Variants in C2orf66 observed in about 807,000 individuals in gnomAD.
C2orf66 encodes the protein chromosome 2 open reading frame 66.
Under a neutral mutation model 7.0 loss-of-function variants are expected in C2orf66, and 6 were observed. That is an observed-to-expected ratio of 0.86 (90% CI 0.47 to 1.69). The LOEUF is 1.69. Ranked by LOEUF, C2orf66 falls within the 40% of genes most tolerant of loss-of-function variation. The pLI is 0.01. For synonymous variants in C2orf66, 38 were observed against 43.8 expected (o/e 0.87, Z 0.52); for missense variants, 107 against 112.0 (o/e 0.96, Z 0.20).
the C2orf66 span, among the ~76,000 whole-genome samples, chr2:196,821,652 A>G: frequency 6.6e-6 from 1 of 152,188 alleles, no homozygotes; most frequent in African/African-American, 2.4e-5. Flanking sequence ...ATTAAACTAG[A>G]TAAGACCCTT....
intron 1 of C2orf66, among the ~76,000 whole-genome samples, chr2:196,808,659 C>G (rs77960376): frequency 1.3e-5 from 2 of 152,150 alleles, no homozygotes; most frequent in African/African-American, 4.8e-5. Flanking sequence ...TCAAAATAGT[C>G]ATGTCAACAT....
At chr2:196,810,941 A>G (rs1699868442), upstream of C2orf66, among the ~76,000 whole-genome samples, 1 of 152,274 alleles carries the variant, frequency 6.6e-6, no homozygotes, top group African/African-American at 2.4e-5. Flanking sequence ...ATATAAGTGA[A>G]CAATCATTTC....
At chr2:196,819,979 G>T in the C2orf66 span, among the ~76,000 whole-genome samples, 2 of 152,144 alleles carry the variant, frequency 1.3e-5, no homozygotes, top group African/African-American at 4.8e-5. Flanking sequence ...TAGAGACTGG[G>T]GAAACTGTGG....
chr2:196,811,206 C>T (rs1035835444), upstream of C2orf66, among the ~76,000 whole-genome samples: 8 of 152,002 alleles, frequency 5.3e-5, no homozygotes, highest in South Asian at 4.2e-4. Flanking sequence ...AAGATGGGGC[C>T]GGAGAGGTAG....
chr2:196,809,294 G>A lies in C2orf66; in HGVS notation c.43C>T (p.Leu15=), dbSNP rs892949354. Residue 15 remains leucine (L), a synonymous_variant, in exon 1 of 3, where the codon CTG becomes TTG. Coordinates refer to ENST00000342506, the MANE Select transcript of C2orf66 (RefSeq NM_213608.3). ...GTGGCTCCATTCACATGCCCAAGCA[G>A]CACCAGGGCAACACATAGTAGCAGG... is the stretch of plus-strand genomic sequence containing the variant. ...PLLLLCVALV[L]LGHVNGATVR... 3.1e-6 allele frequency: 5 copies of A among 1,613,930 alleles called. No homozygotes were observed. The highest frequency in any genetic ancestry group is 1.3e-5 in the African/African-American group (1 of 74,916).
intron 1 of C2orf66, 60 bp from the exon 2 acceptor site, chr2:196,807,682 GT>G (rs1699833306): frequency 7.3e-7 from 1 of 1,378,866 alleles, no homozygotes; most frequent in South Asian, 1.3e-5. Context: ...AAATAAAGGT[GT>G]TTTTCTTCCC....
the C2orf66 span, among the ~76,000 whole-genome samples, chr2:196,829,143 T>A: frequency 6.6e-6 from 1 of 152,100 alleles, no homozygotes. Context: ...TTCACCCCCT[T>A]TTCCAGAAAA....
At chr2:196,813,759 C>T (rs1191254903), upstream of C2orf66, among the ~76,000 whole-genome samples, 7 of 152,060 alleles carry the variant, frequency 4.6e-5, no homozygotes, top group Admixed American at 2.0e-4. Flanking sequence ...CAAAAAGTGG[C>T]GAAGGATATG....
chr2:196,811,807 A>G (rs1159318909), upstream of C2orf66, among the ~76,000 whole-genome samples: 1 of 152,180 alleles, frequency 6.6e-6, no homozygotes, highest in African/African-American at 2.4e-5. Context: ...AATATGAGGA[A>G]AAAAGGGGGC....
At chr2:196,827,590 A>G in the C2orf66 span, among the ~76,000 whole-genome samples, 3 of 152,196 alleles carry the variant, frequency 2.0e-5, no homozygotes, top group African/African-American at 7.2e-5. Flanking sequence ...GCTGAATCAT[A>G]AAGTTTCTTC....
upstream of C2orf66, among the ~76,000 whole-genome samples, chr2:196,810,871 C>G (rs1011055149): frequency 3.3e-5 from 5 of 152,184 alleles, no homozygotes; most frequent in Admixed American, 1.3e-4. Flanking sequence ...TCCTTGCCCT[C>G]ATTAAAATAG....
At chr2:196,810,340 T>C (rs1281739220), upstream of C2orf66, 2 of 152,242 alleles carry the variant, frequency 1.3e-5, no homozygotes, top group Non-Finnish European at 2.9e-5. Flanking sequence ...GTTAACAGCA[T>C]TTTTTGAACA....
Position 196,805,246 on chromosome 2 carries a change from T to G in C2orf66, c.*182A>C, listed in dbSNP as rs780271716. 8.1e-4 allele frequency: 123 copies of G among 152,274 alleles called. No individual in the cohort carries two copies. Among genetic ancestry groups the G allele is most frequent in the Non-Finnish European group, 1.5e-3 (103 of 68,020 alleles). 9.4% of individuals were successfully genotyped at this position (152,274 alleles called of 1,614,324 possible). A position where few individuals can be genotyped will look rare whatever the true frequency, so the allele number is the denominator to read the frequency against. On this transcript the variant is annotated 3_prime_UTR_variant, in exon 3 of 3. Transcript: ENST00000342506. ...ACTCCATAAATATGCATAGAAATCA[T>G]AGTTCCAGCGATTTATATGTAAATA...
At chr2:196,821,865 TG>T in the C2orf66 span, among the ~76,000 whole-genome samples, 1 of 147,252 alleles carries the variant, frequency 6.8e-6, no homozygotes, top group African/African-American at 2.5e-5. Context: ...GGGACATAAT[TG>T]GGGAAATGAT....
chr2:196,820,125 T>C, the C2orf66 span, among the ~76,000 whole-genome samples: 2 of 152,240 alleles, frequency 1.3e-5, no homozygotes, highest in Non-Finnish European at 2.9e-5. Context: ...ATATTCAATA[T>C]GGTAGTCCTC....
the C2orf66 span, among the ~76,000 whole-genome samples, chr2:196,828,456 A>G: frequency 5.9e-5 from 9 of 152,210 alleles, no homozygotes; most frequent in African/African-American, 1.9e-4. Flanking sequence ...CACGTGTAGC[A>G]TGCGGACTTC....
the C2orf66 span, among the ~76,000 whole-genome samples, chr2:196,817,833 G>T: frequency 7.2e-5 from 11 of 152,150 alleles, no homozygotes; most frequent in African/African-American, 2.7e-4. Context: ...TAGGCTCTCT[G>T]CAAGAAGGAA....
upstream of C2orf66, chr2:196,810,176 A>G (rs762547237): frequency 6.6e-6 from 1 of 152,204 alleles, no homozygotes; most frequent in Non-Finnish European, 1.5e-5. Context: ...GATTTTATAA[A>G]ACACACAAAG....
At chr2:196,823,625 T>C in the C2orf66 span, among the ~76,000 whole-genome samples, 1 of 104,320 alleles carries the variant, frequency 9.6e-6, no homozygotes, top group Non-Finnish European at 1.9e-5. Flanking sequence ...AGACCCTGTC[T>C]CAAACAAAAC....
Sources: gnomAD v4.1 joint callset for allele counts (sites outside exome capture counted in the v4.1 genomes callset) on GRCh38, gnomAD v4.1.1 for gene constraint, MANE v1.5 for transcripts, NCBI Gene and HGNC (gene_info 2026-07-23, HGNC 2026-07-21) for gene names.